Variants in CNTN4 observed in about 807,000 individuals in gnomAD.
The protein encoded by CNTN4 is contactin 4, also known as contactin-4.
In CNTN4, 77 loss-of-function variants were observed where a neutral mutation model predicts 122.5. That is an observed-to-expected ratio of 0.63 (90% CI 0.52 to 0.76). The LOEUF is 0.76. Among genes scored for constraint, CNTN4 ranks in the 30% least tolerant of loss-of-function variants. The probability of loss-of-function intolerance (pLI) is 0.00; values close to 1 mark genes in which losing one functional copy is unlikely to be tolerated. For synonymous variants in CNTN4, 512 were observed against 447.0 expected, an observed-to-expected ratio of 1.15 and a Z score of -1.83; for missense variants, 1,256 against 1,259.1, an observed-to-expected ratio of 1.00 and a Z score of 0.04.
At chr3:3,010,163 C>A (rs1026350205) in intron 14 of CNTN4, among the ~76,000 whole-genome samples, 2 of 151,990 alleles carry the variant, frequency 1.3e-5, no homozygotes, top group South Asian at 4.2e-4. Flanking sequence ...AAAGTAAAAT[C>A]CCAGAATACT....
intron 4 of CNTN4, among the ~76,000 whole-genome samples, chr3:2,732,173 G>A (rs979940389): frequency 2.0e-5 from 3 of 152,150 alleles, no homozygotes; most frequent in African/African-American, 4.8e-5. Context: ...TAAAACCGGT[G>A]TTGGCCGATG....
At chr3:2,394,344 C>G (rs1167732463) in intron 3 of CNTN4, among the ~76,000 whole-genome samples, 1 of 152,038 alleles carries the variant, frequency 6.6e-6, no homozygotes, top group Non-Finnish European at 1.5e-5. Context: ...CATAGATGCA[C>G]TGGTTCAAAG....
intron 3 of CNTN4, among the ~76,000 whole-genome samples, chr3:2,380,035 C>G (rs564645705): frequency 3.4e-4 from 40 of 116,472 alleles, no homozygotes; most frequent in African/African-American, 1.3e-3. Context: ...CCAGCTTGGT[C>G]AACAAGAGTG....
chr3:2,445,488 G>A (rs9310735), intron 3 of CNTN4, among the ~76,000 whole-genome samples: 102,251 of 152,014 alleles, frequency 0.67, 34,967 homozygotes, highest in East Asian at 0.81. Flanking sequence ...AAAATATTTA[G>A]ATCTATAGAC....
At chr3:2,197,440 G>C (rs532505110) in intron 2 of CNTN4, among the ~76,000 whole-genome samples, 1 of 152,310 alleles carries the variant, frequency 6.6e-6, no homozygotes, top group African/African-American at 2.4e-5. Flanking sequence ...TACATATCAT[G>C]TGCCAGGATC....
chr3:2,356,605 A>T (rs187632475), intron 3 of CNTN4, among the ~76,000 whole-genome samples: 1 of 152,268 alleles, frequency 6.6e-6, no homozygotes, highest in Admixed American at 6.5e-5. Flanking sequence ...TTATCAGCAA[A>T]GTCTTTCTGA....
Position 3,001,078 on chromosome 3 carries a change from A to G in CNTN4, c.1486+12606A>G, listed in dbSNP as rs935070396. 3.3e-5 allele frequency among the ~76,000 whole-genome samples: 5 copies of G among 152,164 alleles called. No individual in the cohort carries two copies. In the South Asian group the frequency reaches 1.0e-3, roughly 32 times the overall value. ...GGGTTCAATAAACAGTACCTTGTTC[A>G]GTGCCTGAGTTTTGAAACACTTGAG... On this transcript the variant is annotated intron_variant, in intron 14 of 24. Coordinates refer to ENST00000418658, the MANE Select transcript of CNTN4 (RefSeq NM_175607.3).
chr3:2,253,003 T>C (rs1031503766), intron 2 of CNTN4, among the ~76,000 whole-genome samples: 4 of 152,060 alleles, frequency 2.6e-5, no homozygotes, highest in African/African-American at 9.7e-5. Flanking sequence ...CACAGCACAA[T>C]GAAAAAAACC....
chr3:2,756,445 C>G (rs2090342840), intron 6 of CNTN4, among the ~76,000 whole-genome samples: 2 of 152,178 alleles, frequency 1.3e-5, no homozygotes, highest in South Asian at 4.1e-4. Context: ...TCTGCTAGCA[C>G]CTTGATCTTG....
chr3:2,746,074 T>C (rs1274423019), intron 6 of CNTN4, among the ~76,000 whole-genome samples: 1 of 151,774 alleles, frequency 6.6e-6, no homozygotes, highest in African/African-American at 2.4e-5. Context: ...AAGCAAGCAA[T>C]TGAACAAATT....
intron 4 of CNTN4, among the ~76,000 whole-genome samples, chr3:2,691,837 A>G (rs906863376): frequency 6.6e-6 from 1 of 152,238 alleles, no homozygotes; most frequent in East Asian, 1.9e-4. Flanking sequence ...CCTGCTGTTT[A>G]TAATTGAACT....
intron 2 of CNTN4, among the ~76,000 whole-genome samples, chr3:2,254,342 A>G (rs984806881): frequency 3.9e-5 from 6 of 152,216 alleles, no homozygotes; most frequent in African/African-American, 9.6e-5. Flanking sequence ...ACAGTGCTGC[A>G]GTAAACATAC....
intron 3 of CNTN4, among the ~76,000 whole-genome samples, chr3:2,545,384 C>A (rs925601081): frequency 6.6e-6 from 1 of 151,870 alleles, no homozygotes; most frequent in Non-Finnish European, 1.5e-5. Context: ...TCCATTTGGT[C>A]AAGTGTTGGG....
chr3:2,660,500 T>C (rs2083833584), intron 4 of CNTN4, among the ~76,000 whole-genome samples: 1 of 152,224 alleles, frequency 6.6e-6, no homozygotes, highest in Non-Finnish European at 1.5e-5. Flanking sequence ...AGACAAGTTC[T>C]GGGTTTTGTC....
At chr3:3,052,977 T>C (rs1197582166) in intron 23 of CNTN4, among the ~76,000 whole-genome samples, 2 of 152,366 alleles carry the variant, frequency 1.3e-5, no homozygotes, top group Middle Eastern at 6.8e-3. Flanking sequence ...TCAGAGATAC[T>C]ATTTCTTACA....
intron 3 of CNTN4, among the ~76,000 whole-genome samples, chr3:2,439,904 A>G (rs2048375018): frequency 6.6e-6 from 1 of 152,118 alleles, no homozygotes; most frequent in African/African-American, 2.4e-5. Flanking sequence ...CCATTTTAAA[A>G]GCAGTGCCTT....
intron 17 of CNTN4, among the ~76,000 whole-genome samples, chr3:3,035,722 A>T (rs1196836482): frequency 6.6e-6 from 1 of 152,108 alleles, no homozygotes; most frequent in East Asian, 1.9e-4. Flanking sequence ...ACACCCAGCT[A>T]ATTCTCTAAA....
chr3:2,137,492 G>T (rs1209893003), intron 2 of CNTN4, among the ~76,000 whole-genome samples: 1 of 152,088 alleles, frequency 6.6e-6, no homozygotes, highest in African/African-American at 2.4e-5. Flanking sequence ...ATGATAATTT[G>T]GGGGTGGGGG....
intron 8 of CNTN4, among the ~76,000 whole-genome samples, chr3:2,881,831 AT>A (rs577996527): frequency 1.3e-5 from 2 of 151,652 alleles, no homozygotes; most frequent in Non-Finnish European, 2.9e-5. Context: ...TCCCCCATCC[AT>A]TTTTTGTCTT....
Sources: allele counts gnomAD v4.1 joint callset (sites outside exome capture counted in the v4.1 genomes callset), GRCh38; gene constraint gnomAD v4.1.1; transcripts MANE v1.5; gene names NCBI Gene and HGNC (gene_info 2026-07-23, HGNC 2026-07-21).